PABPC4L: variants seen among roughly 807,000 people sequenced by gnomAD.
PABPC4L encodes the protein poly(A) binding protein cytoplasmic 4 like.
For missense variants in PABPC4L, 452 were observed against 451.4 expected (o/e 1.00, Z -0.01); for synonymous variants, 169 against 164.1 (o/e 1.03, Z -0.23).
the PABPC4L span, among the ~76,000 whole-genome samples, chr4:133,972,095 T>C: frequency 6.6e-6 from 1 of 152,222 alleles, no homozygotes; most frequent in Non-Finnish European, 1.5e-5. Context: ...TACCAATTAC[T>C]GCACCTAATT....
the PABPC4L span, among the ~76,000 whole-genome samples, chr4:134,122,215 C>T: frequency 6.6e-6 from 1 of 151,680 alleles, no homozygotes; most frequent in Non-Finnish European, 1.5e-5. Context: ...ACTATCAAAT[C>T]AGCGTTCATT....
the PABPC4L span, among the ~76,000 whole-genome samples, chr4:134,123,282 A>G: frequency 2.0e-5 from 3 of 152,062 alleles, no homozygotes; most frequent in African/African-American, 7.2e-5. Flanking sequence ...TAGAAGCACT[A>G]GACAGCATCT....
the PABPC4L span, among the ~76,000 whole-genome samples, chr4:134,003,767 C>G: frequency 6.6e-6 from 1 of 151,814 alleles, no homozygotes; most frequent in South Asian, 2.1e-4. Context: ...ATGGGAGCAT[C>G]AAGAAATCTT....
chr4:133,989,355 A>G, the PABPC4L span, among the ~76,000 whole-genome samples: 76,687 of 151,930 alleles, frequency 0.5, 21,794 homozygotes, highest in African/African-American at 0.75. Flanking sequence ...AATTTCTTCC[A>G]CCACATACTC....
the PABPC4L span, among the ~76,000 whole-genome samples, chr4:134,142,341 T>C: frequency 6.6e-6 from 1 of 151,636 alleles, no homozygotes; most frequent in Non-Finnish European, 1.5e-5. Flanking sequence ...CAGATGGCAA[T>C]GAAAGGGAAA....
the PABPC4L span, among the ~76,000 whole-genome samples, chr4:134,041,600 AT>A: frequency 6.6e-6 from 1 of 152,008 alleles, no homozygotes. Context: ...TGGGGAAGGG[AT>A]AGCATTAGGA....
the PABPC4L span, among the ~76,000 whole-genome samples, chr4:134,013,267 T>A: frequency 6.6e-6 from 1 of 151,938 alleles, no homozygotes; most frequent in Non-Finnish European, 1.5e-5. Flanking sequence ...CAATCCCTTA[T>A]TTCTGCACCC....
the PABPC4L span, among the ~76,000 whole-genome samples, chr4:134,170,424 A>G: frequency 6.6e-6 from 1 of 152,280 alleles, no homozygotes; most frequent in African/African-American, 2.4e-5. Flanking sequence ...TGCTATAAAG[A>G]AATACCCAAG....
At chr4:134,073,376 C>G in the PABPC4L span, among the ~76,000 whole-genome samples, 1 of 152,204 alleles carries the variant, frequency 6.6e-6, no homozygotes, top group Non-Finnish European at 1.5e-5. Context: ...GTCTCACATC[C>G]AGGTCACGCT....
At chr4:133,956,168 G>C in the PABPC4L span, among the ~76,000 whole-genome samples, 2 of 152,004 alleles carry the variant, frequency 1.3e-5, no homozygotes, top group African/African-American at 2.4e-5. Flanking sequence ...CTCTTTCTTT[G>C]ATTCTATTAT....
chr4:133,963,773 C>G, the PABPC4L span, among the ~76,000 whole-genome samples: 1 of 151,996 alleles, frequency 6.6e-6, no homozygotes, highest in Non-Finnish European at 1.5e-5. Context: ...ATTCTTCAAA[C>G]TGAATGACAA....
the PABPC4L span, among the ~76,000 whole-genome samples, chr4:134,148,230 T>G: frequency 1.1e-4 from 17 of 152,242 alleles, no homozygotes; most frequent in South Asian, 3.5e-3. Flanking sequence ...AATACTCCTA[T>G]CTTTACCTTA....
the PABPC4L span, among the ~76,000 whole-genome samples, chr4:134,053,197 A>C: frequency 6.6e-6 from 1 of 152,120 alleles, no homozygotes; most frequent in African/African-American, 2.4e-5. Flanking sequence ...CTAGGAAAAA[A>C]ATAGAATGTA....
At chr4:134,088,254 A>C in the PABPC4L span, among the ~76,000 whole-genome samples, 5 of 151,944 alleles carry the variant, frequency 3.3e-5, no homozygotes, top group African/African-American at 4.8e-5. Flanking sequence ...CCTCCAACTA[A>C]ATTTATAGAA....
At chr4:134,125,806 A>C in the PABPC4L span, among the ~76,000 whole-genome samples, 1 of 152,158 alleles carries the variant, frequency 6.6e-6, no homozygotes, top group African/African-American at 2.4e-5. Context: ...TAAAATTAAA[A>C]GCTAAATTGA....
chr4:134,159,393 G>T, the PABPC4L span, among the ~76,000 whole-genome samples: 1 of 152,108 alleles, frequency 6.6e-6, no homozygotes, highest in East Asian at 1.9e-4. Context: ...AACAAGGAAA[G>T]AGGCATTGAA....
the PABPC4L span, among the ~76,000 whole-genome samples, chr4:134,188,498 A>C: frequency 6.6e-6 from 1 of 152,118 alleles, no homozygotes; most frequent in Non-Finnish European, 1.5e-5. Flanking sequence ...TACTGGCAAC[A>C]AATTCTCTCA....
chr4:134,171,458 T>C, the PABPC4L span, among the ~76,000 whole-genome samples: 1 of 152,144 alleles, frequency 6.6e-6, no homozygotes, highest in Non-Finnish European at 1.5e-5. Context: ...CTTTGCCCAC[T>C]TTTAAATGGG....
the PABPC4L span, among the ~76,000 whole-genome samples, chr4:134,007,187 G>A: frequency 1.3e-5 from 2 of 151,816 alleles, no homozygotes; most frequent in East Asian, 3.9e-4. Flanking sequence ...CATAAGATAT[G>A]AGTCATCTAT....
Sources: gnomAD v4.1 joint callset for allele counts (sites outside exome capture counted in the v4.1 genomes callset) on GRCh38, gnomAD v4.1.1 for gene constraint, MANE v1.5 for transcripts, NCBI Gene and HGNC (gene_info 2026-07-23, HGNC 2026-07-21) for gene names.